Variants in CDK5RAP1 observed in about 807,000 individuals in gnomAD.
CDK5RAP1 encodes CDK5RAP1 mitochondrial tRNA methylthiotransferase.
In CDK5RAP1, 62 loss-of-function variants were observed where a neutral mutation model predicts 64.5. That is an observed-to-expected ratio of 0.96 (90% CI 0.78 to 1.19). The LOEUF is 1.19. CDK5RAP1 is among the 50% of genes most tolerant of loss of function. The pLI is 0.00. For synonymous variants in CDK5RAP1, 250 were observed against 261.9 expected (o/e 0.95, Z 0.44); for missense variants, 657 against 735.0 (o/e 0.89, Z 1.23).
chr20:33,374,176 T>C lies in CDK5RAP1; in HGVS notation c.1144A>G (p.Lys382Glu). Residue 382 changes from lysine to glutamate, a missense_variant, in exon 9 of 14, where the codon AAA becomes GAA. Physicochemically the swap from Lys to Glu is moderately conservative, Grantham distance 56. Coordinates refer to ENST00000346416, the MANE Select transcript of CDK5RAP1 (RefSeq NM_016408.4). The part of the protein sequence containing the change: ...QLIHERDNIC[K>E]QIHLPAQSGS... ...CTCTGGGCTGGCAGGTGGATCTGTT[T>C]ACAGATGTTATCTCTCTCATGAATC... 6.2e-7 allele frequency: 1 copy of C among 1,613,612 alleles called. No individual in the cohort carries two copies. Among genetic ancestry groups the C allele is most frequent in the Non-Finnish European group, 8.5e-7 (1 of 1,179,500 alleles).
At chr20:33,393,680 C>T (rs901282006) in intron 4 of CDK5RAP1, among the ~76,000 whole-genome samples, 9 of 152,242 alleles carry the variant, frequency 5.9e-5, no homozygotes, top group East Asian at 3.9e-4. Context: ...CATCCTACCC[C>T]GGGCAGCTAT....
intron 12 of CDK5RAP1, among the ~76,000 whole-genome samples, chr20:33,363,232 G>T (rs972741588): frequency 2.0e-5 from 3 of 152,148 alleles, no homozygotes; most frequent in Admixed American, 1.3e-4. Flanking sequence ...GGAAGTCAAA[G>T]AAATAATGAC....
intron 5 of CDK5RAP1, among the ~76,000 whole-genome samples, chr20:33,390,007 TG>T (rs1600793248): frequency 6.6e-6 from 1 of 151,624 alleles, no homozygotes; most frequent in African/African-American, 2.4e-5. Context: ...CCAGGTGCTA[TG>T]GGTCACACCT....
At position 33,366,943 on chromosome 20, in the gene CDK5RAP1, C is replaced by T. The variant is rs921037159; in HGVS notation, c.1458G>A (p.Glu486=). The change falls in exon 12 of 14, where the codon GAG becomes GAA. Residue 486 remains glutamate, a synonymous_variant. Coordinates refer to ENST00000346416, the MANE Select transcript of CDK5RAP1 (RefSeq NM_016408.4). ...VPEEVKLRRL[E]ELITIFREEA... ...CTTCTCGGAAGATAGTGATGAGTTC[C>T]TCCAAACGCCTTAATTTTACCTCTT... The T allele has an allele frequency of 8.1e-6, 13 of 1,613,790 alleles. No individual in the cohort carries two copies. In the Admixed American group the frequency reaches 1.0e-4, roughly 12 times the overall value.
intron 5 of CDK5RAP1, among the ~76,000 whole-genome samples, chr20:33,389,789 G>A (rs1365526840): frequency 2.0e-5 from 3 of 152,334 alleles, no homozygotes; most frequent in East Asian, 1.9e-4. Context: ...GGAAAAGATA[G>A]AGAAATCAGA....
chr20:33,385,507 G>T, intron 7 of CDK5RAP1, 143 bp downstream of exon 7: 1 of 864,542 alleles, frequency 1.2e-6, no homozygotes, highest in Non-Finnish European at 1.8e-6. Context: ...ATAAACCAAT[G>T]ATGTACACAA....
In CDK5RAP1 at chr20:33,387,347, C is replaced by G; in HGVS notation, c.731G>C (p.Ser244Thr). 6.2e-7 allele frequency: 1 copy of G among 1,613,994 alleles called. No homozygotes were observed. Among genetic ancestry groups the G allele is most frequent in the Non-Finnish European group, 8.5e-7 (1 of 1,179,982 alleles). Residue 244 changes from serine to threonine, a missense_variant, in exon 6 of 14, where the codon AGC (serine) becomes ACC (threonine). Coordinates refer to ENST00000346416, the MANE Select transcript of CDK5RAP1 (RefSeq NM_016408.4). ...TYADVMPVQT[S>T]ASATSAFVSI... ...CACAAAGGCAGACGTGGCACTGGCGCTTGTCTGGACTGGCATGACATCAGC... is the reference window on the plus strand; with the variant it reads ...CACAAAGGCAGACGTGGCACTGGCGGTTGTCTGGACTGGCATGACATCAGC...
chr20:33,367,123 A>G (rs1416840849), intron 11 of CDK5RAP1, 115 bp from the exon 12 acceptor site: 3 of 987,276 alleles, frequency 3.0e-6, no homozygotes, highest in African/African-American at 3.3e-5. Context: ...AGACACATGT[A>G]CAGAAACCCA....
intron 5 of CDK5RAP1, 81 bp from the exon 6 acceptor site, chr20:33,387,614 A>G (rs576469396): frequency 4.4e-5 from 50 of 1,139,074 alleles, no homozygotes; most frequent in Admixed American, 7.5e-5. Context: ...CTTTATCTGT[A>G]GCTGGGATTA....
chr20:33,364,105 T>A (rs1171788416), intron 12 of CDK5RAP1, among the ~76,000 whole-genome samples: 1 of 152,068 alleles, frequency 6.6e-6, no homozygotes, highest in Non-Finnish European at 1.5e-5. Flanking sequence ...TATTGTCAGG[T>A]ATGATAATAG....
chr20:33,383,054 A>G (rs991741263), intron 7 of CDK5RAP1, among the ~76,000 whole-genome samples: 78 of 145,538 alleles, frequency 5.4e-4, no homozygotes, highest in African/African-American at 2.0e-3. Flanking sequence ...AGTGGTGCAC[A>G]CCTGTAATTC....
chr20:33,379,431 T>C, intron 8 of CDK5RAP1, 30 bp downstream of exon 8: 3 of 1,492,528 alleles, frequency 2.0e-6, no homozygotes, highest in Middle Eastern at 3.4e-4. Context: ...AATACTAATA[T>C]CAGTTTGTCA....
At chr20:33,368,296 T>C (rs537969692) in intron 11 of CDK5RAP1, among the ~76,000 whole-genome samples, 9 of 151,380 alleles carry the variant, frequency 5.9e-5, no homozygotes, top group African/African-American at 1.9e-4. Flanking sequence ...ATCCCTAGGA[T>C]TTTTTTTTCT....
intron 7 of CDK5RAP1, among the ~76,000 whole-genome samples, chr20:33,381,248 C>T (rs1361127373): frequency 6.6e-6 from 1 of 152,024 alleles, no homozygotes; most frequent in Non-Finnish European, 1.5e-5. Context: ...GAAAAAGTCA[C>T]AGATATCATA....
chr20:33,398,648 C>T (rs1199986170), intron 1 of CDK5RAP1, among the ~76,000 whole-genome samples: 1 of 150,766 alleles, frequency 6.6e-6, no homozygotes, highest in Non-Finnish European at 1.5e-5. Context: ...GGCTGGTGGC[C>T]GGGTGCAGTG....
At chr20:33,367,115 A>T in intron 11 of CDK5RAP1, 107 bp from the exon 12 acceptor site, 1 of 1,103,464 alleles carries the variant, frequency 9.1e-7, no homozygotes, top group Non-Finnish European at 1.3e-6. Context: ...CAAGTAACAG[A>T]CACATGTACA....
rs1161772898 is a variant in CDK5RAP1, at chr20:33,396,811, T to A, written c.254A>T (p.Asp85Val). 1 of 1,613,908 alleles carries A rather than the reference T, an allele frequency of 6.2e-7. No homozygotes were observed. Among genetic ancestry groups the A allele is most frequent in the Non-Finnish European group, 8.5e-7 (1 of 1,180,014 alleles). ...ATCCATCATGAGATAGGGAGGTGGG[T>A]CTTCCACTTCTGAAGACAGCTTCTC... ...PQEKLSSEVEDPPPYLMMDEL... is the reference protein window; with the variant it reads ...PQEKLSSEVEVPPPYLMMDEL... Residue 85 changes from aspartate to valine, a missense_variant, in exon 2 of 14, where the codon GAC becomes GTC. Asp to Val is a radical substitution (Grantham distance 152). Transcript: ENST00000346416.
intron 12 of CDK5RAP1, among the ~76,000 whole-genome samples, 168 bp downstream of exon 12, chr20:33,366,691 G>T (rs1300915720): frequency 6.6e-6 from 1 of 152,088 alleles, no homozygotes; most frequent in African/African-American, 2.4e-5. Flanking sequence ...CAAAAACTTT[G>T]ATTTAAAACA....
chr20:33,374,845 C>T (rs150381450), intron 8 of CDK5RAP1, among the ~76,000 whole-genome samples: 172 of 151,776 alleles, frequency 1.1e-3, no homozygotes, highest in African/African-American at 3.7e-3. Flanking sequence ...TGAGCCACCA[C>T]GCCCAGCCCA....
Sources: gnomAD v4.1 joint callset for allele counts (sites outside exome capture counted in the v4.1 genomes callset) on GRCh38, gnomAD v4.1.1 for gene constraint, MANE v1.5 for transcripts, NCBI Gene and HGNC (gene_info 2026-07-23, HGNC 2026-07-21) for gene names.